ZSCAN29: variants seen among roughly 807,000 people sequenced by gnomAD.
The protein encoded by ZSCAN29 is zinc finger and SCAN domain containing 29.
A neutral mutation model predicts 71.9 loss-of-function variants in ZSCAN29; 55 were observed. The ratio of observed to expected loss-of-function variants is 0.76; its 90% CI spans 0.62 to 0.96. The LOEUF (loss-of-function observed/expected upper bound fraction) is 0.96. Among genes scored for constraint, ZSCAN29 ranks in the 40% least tolerant of loss-of-function variants. ZSCAN29 has a pLI of 0.00. For missense variants in ZSCAN29, 1,042 were observed against 1,042.2 expected (o/e 1.00, Z 0.00); for synonymous variants, 351 against 371.6 (o/e 0.94, Z 0.64).
In ZSCAN29 at chr15:43,366,656, C is replaced by T. The variant is rs762058112; in HGVS notation, c.676G>A (p.Asp226Asn). The T allele has an allele frequency of 6.2e-7, 1 of 1,614,242 alleles. No individual in the cohort carries two copies. The highest frequency in any genetic ancestry group is 2.2e-5 in the East Asian group (1 of 44,888). Residue 226 changes from aspartate (D) to asparagine (N), a missense_variant, in exon 4 of 6, where the codon GAT becomes AAT. Transcript: ENST00000684362. ...TCCTGTTCCACCCAGCTTCTTCTAT[C>T]TTTCTTGGATGGTAACAGATCAGCA... ...VHADLLPSKKDRRSWVEQDHW... is the reference protein window; with the variant it reads ...VHADLLPSKKNRRSWVEQDHW...
Position 43,370,024 on chromosome 15 carries a change from T to A in ZSCAN29, c.-111A>T. The A allele has an allele frequency of 1.8e-6, 2 of 1,130,780 alleles. No homozygotes were observed. Among genetic ancestry groups the A allele is most frequent in the Non-Finnish European group, 2.5e-6 (2 of 805,250 alleles). 70.0% of individuals were successfully genotyped at this position (1,130,780 alleles called of 1,614,324 possible). A position where few individuals can be genotyped will look rare whatever the true frequency, so the allele number is the denominator to read the frequency against. ...GCAGATGACTGTAAGAGGTGTTTCTTCCTAGGGCAGAGAAAGATGGCACTA... is the reference window on the plus strand; with the variant it reads ...GCAGATGACTGTAAGAGGTGTTTCTACCTAGGGCAGAGAAAGATGGCACTA... On this transcript the variant is annotated splice_region_variant and 5_prime_UTR_variant, in exon 2 of 6. Coordinates refer to ENST00000684362, the MANE Select transcript of ZSCAN29 (RefSeq NM_001372080.1).
intron 2 of ZSCAN29, 133 bp from the exon 3 acceptor site, chr15:43,369,260 G>A (rs774489889): frequency 5.9e-6 from 5 of 846,766 alleles, no homozygotes; most frequent in African/African-American, 1.7e-5. Flanking sequence ...GGAGGTTAAC[G>A]CGAACAAGGG....
intron 1 of ZSCAN29, 196 bp from the exon 2 acceptor site, chr15:43,370,221 T>C (rs2044088544): frequency 3.1e-6 from 1 of 324,088 alleles, no homozygotes; most frequent in Non-Finnish European, 5.7e-6. Context: ...ATAAAAGTAC[T>C]GTCTGCCCCT....
intron 4 of ZSCAN29, 80 bp from the exon 5 acceptor site, chr15:43,364,462 A>G: frequency 7.8e-7 from 1 of 1,284,416 alleles, no homozygotes; most frequent in Non-Finnish European, 1.1e-6. Context: ...CATCTGCATC[A>G]TGAGAATTCA....
chr15:43,361,426 A>T lies in ZSCAN29; in HGVS notation c.2206T>A (p.Cys736Ser). Reference sequence around the variant, plus strand: ...TTGAAGCATTTCCCACACTCACCACATTGATAAGGTTTCTCTCCTGTGTGG... The same window carrying T: ...TTGAAGCATTTCCCACACTCACCACTTTGATAAGGTTTCTCTCCTGTGTGG... ...RIHTGEKPYQ[C>S]GECGKCFNQS... The change falls in exon 6 of 6, where the codon TGT (cysteine) becomes AGT (serine). Residue 736 changes from cysteine (C) to serine (S), a missense_variant. Physicochemically the swap from Cys to Ser is moderately radical, Grantham distance 112. Coordinates refer to ENST00000684362, the MANE Select transcript of ZSCAN29 (RefSeq NM_001372080.1). The T allele has an allele frequency of 1.2e-6, 2 of 1,614,112 alleles. No individual in the cohort carries two copies. Among genetic ancestry groups the T allele is most frequent in the Non-Finnish European group, 1.7e-6 (2 of 1,179,956 alleles).
At position 43,369,999 on chromosome 15, in the gene ZSCAN29, G is replaced by T; in HGVS notation, c.-86C>A. On this transcript the variant is annotated 5_prime_UTR_variant, in exon 2 of 6. Coordinates refer to ENST00000684362, the MANE Select transcript of ZSCAN29 (RefSeq NM_001372080.1). Reference sequence around the variant, plus strand: ...TTCCCATGTCCTTGGAGAATCCCCTGCAGATGACTGTAAGAGGTGTTTCTT... The same window carrying T: ...TTCCCATGTCCTTGGAGAATCCCCTTCAGATGACTGTAAGAGGTGTTTCTT... 7.5e-7 allele frequency: 1 copy of T among 1,332,824 alleles called. No homozygotes were observed. The highest frequency in any genetic ancestry group is 1.0e-6 in the Non-Finnish European group (1 of 979,630). The allele number at this position is 1,332,824 out of a possible 1,614,324, so 82.6% of individuals were successfully genotyped here.
In ZSCAN29 at chr15:43,360,735, C is replaced by T. The variant is rs2142723010; in HGVS notation, c.*338G>A. On this transcript the variant is annotated 3_prime_UTR_variant, in exon 6 of 6. Transcript: ENST00000684362. ...TTCCTGTCAAAATGCAGCTGAATGA[C>T]AGAATGAGTAAAGAAGGATGCTTAT... The T allele has an allele frequency of 4.8e-6, 1 of 209,094 alleles. No homozygotes were observed. The highest frequency in any genetic ancestry group is 2.3e-5 in the African/African-American group (1 of 43,560). 13.0% of individuals were successfully genotyped at this position (209,094 alleles called of 1,614,324 possible).
chr15:43,363,695 G>A lies in ZSCAN29; in HGVS notation c.1690+220C>T, dbSNP rs910880476. The A allele has an allele frequency of 3.3e-5, 16 of 485,982 alleles. No homozygotes were observed. In the South Asian group the frequency reaches 6.5e-4, roughly 20 times the overall value. The allele number at this position is 485,982 out of a possible 1,614,324, so 30.1% of individuals were successfully genotyped here. Reference sequence around the variant, plus strand: ...GAATAAATCACAGCAAATTTACAATGTGCAGCTATCTCAGATTGATGCTCT... The same window carrying A: ...GAATAAATCACAGCAAATTTACAATATGCAGCTATCTCAGATTGATGCTCT... On this transcript the variant is annotated intron_variant, in intron 5 of 5. Transcript: ENST00000684362.
intron 2 of ZSCAN29, 144 bp downstream of exon 2, chr15:43,369,447 AAGCAC>A (rs2044074561): frequency 1.2e-6 from 1 of 813,908 alleles, no homozygotes; most frequent in African/African-American, 1.7e-5. Flanking sequence ...ATCTCCAGAC[AAGCAC>A]TATCTGAAAA....
intron 4 of ZSCAN29, 31 bp downstream of exon 4, chr15:43,366,079 T>C: frequency 6.4e-7 from 1 of 1,561,592 alleles, no homozygotes; most frequent in Non-Finnish European, 8.7e-7. Flanking sequence ...CCAAGTCTAA[T>C]TCCAAAACTC....
chr15:43,361,567 G>T lies in ZSCAN29; in HGVS notation c.2065C>A (p.Arg689=). 1.9e-6 allele frequency: 3 copies of T among 1,614,172 alleles called. No individual in the cohort carries two copies. The highest frequency in any genetic ancestry group is 2.5e-6 in the Non-Finnish European group (3 of 1,180,038). ...CGGTGTCTAATGAGTCGTGCACTCC[G>T]ACTGAAGCTTTTCCCACAATCAGCA... ...KCADCGKSFS[R]SARLIRHRRI... The change falls in exon 6 of 6, where the codon CGG becomes AGG. Residue 689 remains arginine (R), a synonymous_variant. Coordinates refer to ENST00000684362, the MANE Select transcript of ZSCAN29 (RefSeq NM_001372080.1).
At chr15:43,368,500 T>G (rs1453466614) in intron 3 of ZSCAN29, among the ~76,000 whole-genome samples, 1 of 37,802 alleles carries the variant, frequency 2.6e-5, no homozygotes, top group Non-Finnish European at 3.4e-5. Context: ...CACTCCAGCC[T>G]GGGCGACAGA....
At position 43,369,879 on chromosome 15, in the gene ZSCAN29, G is replaced by A. The variant is rs140261564; in HGVS notation, c.35C>T (p.Thr12Ile). 1.3e-4 allele frequency: 208 copies of A among 1,610,864 alleles called. No homozygotes were observed. Among genetic ancestry groups the A allele is most frequent in the South Asian group, 9.1e-4 (83 of 91,062 alleles). ...MAKSALRENG[T>I]NSETFRQRFR... ...ACGCTGTCGGAAGGTCTCAGAGTTA[G>A]TGCCATTCTCTCTTAGAGCTGATTT... Residue 12 changes from threonine (T) to isoleucine (I), a missense_variant, in exon 2 of 6, where the codon ACT becomes ATT. Thr to Ile is a moderately conservative substitution (Grantham distance 89). Transcript: ENST00000684362.
At position 43,359,615 on chromosome 15, in the gene ZSCAN29, A is replaced by G. The variant is rs2043961669; in HGVS notation, c.*1458T>C. The G allele has an allele frequency of 6.6e-6, 1 of 152,260 alleles. No individual in the cohort carries two copies. Among genetic ancestry groups the G allele is most frequent in the Admixed American group, 6.5e-5 (1 of 15,284 alleles). The allele number at this position is 152,260 out of a possible 1,614,324, so 9.4% of individuals were successfully genotyped here. ...TTCTGCTTATTGCAGGTAAGTGCCC[A>G]TGGAGGGCATAACACTATACCAGGT... On this transcript the variant is annotated 3_prime_UTR_variant, in exon 6 of 6. Coordinates refer to ENST00000684362, the MANE Select transcript of ZSCAN29 (RefSeq NM_001372080.1).
Position 43,358,382 on chromosome 15 carries a change from A to G in ZSCAN29, c.*2691T>C, listed in dbSNP as rs1210785252. 6.6e-6 allele frequency: 1 copy of G among 151,124 alleles called. No individual in the cohort carries two copies. Among genetic ancestry groups the G allele is most frequent in the Non-Finnish European group, 1.5e-5 (1 of 67,854 alleles). The allele number at this position is 151,124 out of a possible 1,614,324, so 9.4% of individuals were successfully genotyped here. On this transcript the variant is annotated 3_prime_UTR_variant, in exon 6 of 6. Coordinates refer to ENST00000684362, the MANE Select transcript of ZSCAN29 (RefSeq NM_001372080.1). ...AATACTTTTTTTTTTTTTTGACATTACAGCACACTTCCTAAATCATCTGAG... is the reference window on the plus strand; with the variant it reads ...AATACTTTTTTTTTTTTTTGACATTGCAGCACACTTCCTAAATCATCTGAG...
chr15:43,369,765 T>TCCGGCCTTAGCCA lies in ZSCAN29; in HGVS notation c.136_148dup (p.Glu50ValfsTer59). The TCCGGCCTTAGCCA allele has an allele frequency of 6.2e-7, 1 of 1,614,254 alleles. No homozygotes were observed. Among genetic ancestry groups the TCCGGCCTTAGCCA allele is most frequent in the South Asian group, 1.1e-5 (1 of 91,082 alleles). ...TACAATCTGCTCCTTGGTGCGCACC[T>TCCGGCCTTAGCCA]CCGGCCTTAGCCACCGACAGCAAAG... On this transcript the variant is annotated frameshift_variant, in exon 2 of 6. Transcript: ENST00000684362. LOFTEE classifies it high-confidence loss of function.
chr15:43,367,718 G>T (rs1266519778), intron 3 of ZSCAN29, among the ~76,000 whole-genome samples: 1 of 152,164 alleles, frequency 6.6e-6, no homozygotes, highest in Non-Finnish European at 1.5e-5. Context: ...TTATTGCAGA[G>T]TACCCTGCAA....
chr15:43,368,898 C>A (rs1485285281), intron 3 of ZSCAN29, 25 bp downstream of exon 3: 1 of 1,549,818 alleles, frequency 6.5e-7, no homozygotes, highest in South Asian at 1.2e-5. Flanking sequence ...GGCAGTCTAT[C>A]TTCCCATATG....
rs1435534780 is a variant in ZSCAN29, at chr15:43,366,755, A to G, written c.577T>C (p.Trp193Arg). ...TTAGAGCCCAGCAGATCTGGGATCC[A>G]TGGCTCTCCTTGCTCCAACCTGGAG... ...VVSRLEQGEPWIPDLLGSKEK... is the reference protein window; with the variant it reads ...VVSRLEQGEPRIPDLLGSKEK... The change falls in exon 4 of 6, where the codon TGG becomes CGG. Residue 193 changes from tryptophan (W) to arginine (R), a missense_variant. Transcript: ENST00000684362. 12 of 1,614,070 alleles carry G rather than the reference A, an allele frequency of 7.4e-6. No individual in the cohort carries two copies. The highest frequency in any genetic ancestry group is 1.3e-5 in the African/African-American group (1 of 74,942).
Sources: allele counts gnomAD v4.1 joint callset (sites outside exome capture counted in the v4.1 genomes callset), GRCh38; gene constraint gnomAD v4.1.1; transcripts MANE v1.5; gene names NCBI Gene and HGNC (gene_info 2026-07-23, HGNC 2026-07-21).